Variants in ARHGEF10 observed in about 807,000 individuals in gnomAD.
The protein encoded by ARHGEF10 is Rho guanine nucleotide exchange factor (GEF) 10.
Under a neutral mutation model 147.4 loss-of-function variants are expected in ARHGEF10, and 140 were observed. That is an observed-to-expected ratio of 0.95 (90% CI 0.83 to 1.09). ARHGEF10 has a LOEUF of 1.09. Ranked by LOEUF, ARHGEF10 falls within the 50% of genes least tolerant of loss-of-function variation. ARHGEF10 has a pLI of 0.00. For synonymous variants in ARHGEF10, 902 were observed against 695.8 expected (o/e 1.30, Z -4.67); for missense variants, 2,222 against 1,752.7 (o/e 1.27, Z -4.78).
intron 6 of ARHGEF10, among the ~76,000 whole-genome samples, chr8:1,867,915 T>A (rs924657409): frequency 6.6e-6 from 1 of 152,252 alleles, no homozygotes; most frequent in Non-Finnish European, 1.5e-5. Context: ...TGTAATTAGA[T>A]GATTCCGCTG....
At chr8:1,896,077 C>T (rs1432695767) in intron 13 of ARHGEF10, among the ~76,000 whole-genome samples, 1 of 152,122 alleles carries the variant, frequency 6.6e-6, no homozygotes, top group Non-Finnish European at 1.5e-5. Flanking sequence ...TTAACTGAAA[C>T]CCAAATTACC....
At position 1,957,185 on chromosome 8, in the gene ARHGEF10, C is replaced by G. The variant is rs773914217; in HGVS notation, c.3957C>G (p.His1319Gln). The G allele has an allele frequency of 1.2e-6, 2 of 1,612,534 alleles. No homozygotes were observed. Among genetic ancestry groups the G allele is most frequent in the South Asian group, 2.2e-5 (2 of 91,072 alleles). Residue 1319 changes from histidine (H) to glutamine (Q), a missense_variant, in exon 29 of 29, where the codon CAC (histidine) becomes CAG (glutamine). Coordinates refer to ENST00000349830, the MANE Select transcript of ARHGEF10 (RefSeq NM_014629.4). ...VCGGQGHRRV[H>Q]RKARQPHQEE... Reference sequence around the variant, plus strand: ...GAGGGCAGGGCCACCGCCGGGTGCACAGGAAGGCCCGGCAGCCCCACCAGG... The same window carrying G: ...GAGGGCAGGGCCACCGCCGGGTGCAGAGGAAGGCCCGGCAGCCCCACCAGG...
intron 28 of ARHGEF10, among the ~76,000 whole-genome samples, chr8:1,956,315 G>A (rs952322278): frequency 6.6e-6 from 1 of 152,174 alleles, no homozygotes; most frequent in Non-Finnish European, 1.5e-5. Flanking sequence ...AAAAATGGCA[G>A]GCAGCCGGTA....
chr8:1,889,137 TGG>T (rs1809136087), intron 11 of ARHGEF10, among the ~76,000 whole-genome samples: 1 of 59,060 alleles, frequency 1.7e-5, no homozygotes, highest in Non-Finnish European at 3.2e-5. Context: ...ACACTGTGAG[TGG>T]GGTGAGGGTT....
intron 6 of ARHGEF10, 142 bp from the exon 7 acceptor site, chr8:1,869,052 G>A (rs1806859889): frequency 4.0e-6 from 3 of 759,184 alleles, no homozygotes; most frequent in East Asian, 5.2e-5. Context: ...GAACGAAAAA[G>A]TAAAAAATAA....
In ARHGEF10 at chr8:1,905,736, A is replaced by G. The variant is rs751113842; in HGVS notation, c.1967+20A>G. The G allele has an allele frequency of 1.9e-6, 3 of 1,612,080 alleles. No homozygotes were observed. Among genetic ancestry groups the G allele is most frequent in the South Asian group, 1.1e-5 (1 of 91,080 alleles). On this transcript the variant is annotated intron_variant, in intron 17 of 28. Transcript: ENST00000349830. ...CTCACGGTAAGTGCATAAATTCTCT[A>G]TAGTAGTCCTACCATCATCACATGT... is the stretch of plus-strand genomic sequence containing the variant.
At chr8:1,907,102 T>G (rs1354547667) in intron 17 of ARHGEF10, among the ~76,000 whole-genome samples, 8 of 152,194 alleles carry the variant, frequency 5.3e-5, no homozygotes, top group African/African-American at 1.9e-4. Flanking sequence ...AGGTCGCAGC[T>G]GGAGAACTCC....
chr8:1,901,204 A>G (rs919944987), intron 15 of ARHGEF10, among the ~76,000 whole-genome samples: 2 of 152,050 alleles, frequency 1.3e-5, no homozygotes, highest in African/African-American at 4.8e-5. Flanking sequence ...AGCAGGTACA[A>G]GCACATACCC....
intron 11 of ARHGEF10, among the ~76,000 whole-genome samples, chr8:1,892,662 G>A (rs961342068): frequency 4.0e-5 from 6 of 148,314 alleles, no homozygotes; most frequent in African/African-American, 7.5e-5. Flanking sequence ...GTGTGCTTCC[G>A]TGCGCGCACG....
intron 23 of ARHGEF10, 42 bp downstream of exon 23, chr8:1,926,505 A>G: frequency 6.4e-7 from 1 of 1,556,988 alleles, no homozygotes; most frequent in Middle Eastern, 1.7e-4. Context: ...TTCACAGAGA[A>G]TCAACGTTCA....
intron 2 of ARHGEF10, among the ~76,000 whole-genome samples, chr8:1,848,511 G>A (rs554060544): frequency 6.6e-6 from 1 of 152,280 alleles, no homozygotes; most frequent in Admixed American, 6.5e-5. Context: ...TGGGTGTGTC[G>A]TGGTTTCTGT....
intron 1 of ARHGEF10, among the ~76,000 whole-genome samples, chr8:1,833,103 CAGAG>C (rs1803334557): frequency 7.4e-5 from 1 of 13,516 alleles, no homozygotes; most frequent in Non-Finnish European, 1.3e-4. Context: ...GGCAGAGAGA[CAGAG>C]ACAGAGGCAG....
intron 26 of ARHGEF10, among the ~76,000 whole-genome samples, chr8:1,941,773 T>C (rs1814112385): frequency 6.6e-6 from 1 of 152,146 alleles, no homozygotes; most frequent in Non-Finnish European, 1.5e-5. Context: ...CATACATCAG[T>C]GACATAGACC....
chr8:1,933,924 G>A lies in ARHGEF10; in HGVS notation c.3204G>A (p.Val1068=). 6.2e-7 allele frequency: 1 copy of A among 1,614,184 alleles called. No homozygotes were observed. Among genetic ancestry groups the A allele is most frequent in the Non-Finnish European group, 8.5e-7 (1 of 1,180,034 alleles). Residue 1068 remains valine, a synonymous_variant, in exon 26 of 29, where the codon GTG becomes GTA. Coordinates refer to ENST00000349830, the MANE Select transcript of ARHGEF10 (RefSeq NM_014629.4). ...GAGGTCAAGTCTTCATCATCAGTGTGGAGACTCATGCTGTAGAGGTAAGTC... is the reference window on the plus strand; with the variant it reads ...GAGGTCAAGTCTTCATCATCAGTGTAGAGACTCATGCTGTAGAGGTAAGTC... ...ASGGQVFIIS[V]ETHAVEGQLE...
intron 11 of ARHGEF10, among the ~76,000 whole-genome samples, chr8:1,888,185 AGGGTTTGCGAGGAGACACT>A (rs1808910571): frequency 1.5e-5 from 1 of 65,088 alleles, no homozygotes; most frequent in African/African-American, 1.7e-4. Flanking sequence ...GAGTGGGGTG[AGGGTTTGCGAGGAGACACT>A]TAGTGGGGCG....
rs142424877 is a variant in ARHGEF10 at position 1,900,202 on chromosome 8, T to C, written c.1650+1677T>C. Among the ~76,000 whole-genome samples, 44 of 152,154 alleles carry C rather than the reference T, an allele frequency of 2.9e-4. 1 individual carries two copies. The highest frequency in any genetic ancestry group is 1.0e-3 in the African/African-American group (42 of 41,514). On this transcript the variant is annotated intron_variant, in intron 15 of 28. Transcript: ENST00000349830. ...AAGTAAGTAACTATTTTTGCCTAGG[T>C]TTTTTCCGAAATACATTCTTTTAGA...
chr8:1,917,032 G>A (rs1811809513), intron 18 of ARHGEF10, among the ~76,000 whole-genome samples: 1 of 152,198 alleles, frequency 6.6e-6, no homozygotes, highest in African/African-American at 2.4e-5. Flanking sequence ...ACTACAGGAC[G>A]TTCCTCATGA....
chr8:1,944,309 C>A (rs1814380507), intron 26 of ARHGEF10, among the ~76,000 whole-genome samples: 1 of 151,542 alleles, frequency 6.6e-6, no homozygotes, highest in African/African-American at 2.4e-5. Flanking sequence ...CAGTCCTCTC[C>A]TCAGCTCTCA....
chr8:1,934,656 G>T (rs933180809), intron 26 of ARHGEF10, among the ~76,000 whole-genome samples: 4 of 152,122 alleles, frequency 2.6e-5, no homozygotes, highest in Non-Finnish European at 4.4e-5. Context: ...CACGGAGCTG[G>T]CTCTCAAACC....
Sources: allele counts gnomAD v4.1 joint callset (sites outside exome capture counted in the v4.1 genomes callset), GRCh38; gene constraint gnomAD v4.1.1; transcripts MANE v1.5; gene names NCBI Gene and HGNC (gene_info 2026-07-23, HGNC 2026-07-21).